PNPLA1: variants seen among roughly 807,000 people sequenced by gnomAD.
PNPLA1 encodes the protein patatin like domain 1, omega-hydroxyceramide transacylase.
Under a neutral mutation model 51.7 loss-of-function variants are expected in PNPLA1, and 36 were observed. The ratio of observed to expected loss-of-function variants is 0.70; its 90% CI spans 0.53 to 0.92. The LOEUF is 0.92. PNPLA1 is among the 40% of genes least tolerant of loss of function. The pLI, the probability that PNPLA1 is intolerant of heterozygous loss-of-function variation, is 0.00. For synonymous variants in PNPLA1, 293 were observed against 280.1 expected (o/e 1.05, Z -0.46); for missense variants, 658 against 682.5 (o/e 0.96, Z 0.40).
At position 36,313,363 on chromosome 6, in the gene PNPLA1, C is replaced by T. The variant is rs1007541690; in HGVS notation, c.*1477C>T. On this transcript the variant is annotated 3_prime_UTR_variant, in exon 9 of 9. Transcript: ENST00000636260. ...GTCCCGCCAGGCCCAGCAAGGAAGC[C>T]CCAGCTGCCCACAGGCCTCAGGTAC... 1.3e-5 allele frequency among the ~76,000 whole-genome samples: 2 copies of T among 152,048 alleles called. No homozygotes were observed. The highest frequency in any genetic ancestry group is 2.4e-5 in the African/African-American group (1 of 41,388).
In PNPLA1 at chr6:36,294,730, G is replaced by A. The variant is rs1253974678; in HGVS notation, c.714+331G>A. 6.6e-6 allele frequency among the ~76,000 whole-genome samples: 1 copy of A among 152,104 alleles called. No individual in the cohort carries two copies. The highest frequency in any genetic ancestry group is 6.5e-5 in the Admixed American group (1 of 15,272). ...AGCTGCAGCCCACGGGCCAAATCTA[G>A]CCTATGGCTTGTTTTTGTACAGCCT... On this transcript the variant is annotated intron_variant, in intron 4 of 8. Transcript: ENST00000636260. The surrounding 1 kb of genome is among the most constrained non-coding windows in gnomAD (Gnocchi z 4.2).
chr6:36,307,468 C>T (rs1037276582), intron 7 of PNPLA1, 119 bp from the exon 8 acceptor site: 8 of 1,175,238 alleles, frequency 6.8e-6, no homozygotes, highest in Non-Finnish European at 9.2e-6. Context: ...AAATCCAATC[C>T]TCAGCCAGGG....
At chr6:36,296,602 C>T (rs1305909414) in intron 5 of PNPLA1, among the ~76,000 whole-genome samples, 1 of 152,180 alleles carries the variant, frequency 6.6e-6, no homozygotes, top group Non-Finnish European at 1.5e-5. Flanking sequence ...AGGAGGTGCT[C>T]ACTTATTTTT....
intron 1 of PNPLA1, among the ~76,000 whole-genome samples, chr6:36,275,859 A>C (rs1399504384): frequency 6.6e-6 from 1 of 152,118 alleles, no homozygotes; most frequent in Non-Finnish European, 1.5e-5. Context: ...TCCTTCAGTA[A>C]AGATTTTGTG....
At position 36,295,423 on chromosome 6, in the gene PNPLA1, G is replaced by A. The variant is rs376785736; in HGVS notation, c.774G>A (p.Leu258=). Residue 258 remains leucine (L), a splice_region_variant and synonymous_variant, in exon 5 of 9, where the codon CTG becomes CTA. Transcript: ENST00000636260. ...ATGCAGTTTTGTACTTGAGGCGGCT[G>A]AGTAAGTACCGGTGGGGCCCCAGGT... The part of the protein sequence containing the change: ...YEDAVLYLRR[L]NAVYLNSSSK... 6.2e-7 allele frequency: 1 copy of A among 1,614,212 alleles called. No individual in the cohort carries two copies. Among genetic ancestry groups the A allele is most frequent in the East Asian group, 2.2e-5 (1 of 44,886 alleles).
intron 5 of PNPLA1, among the ~76,000 whole-genome samples, chr6:36,297,368 A>G (rs1252236244): frequency 6.6e-6 from 1 of 152,056 alleles, no homozygotes; most frequent in Admixed American, 6.5e-5. Context: ...GGAACTACTG[A>G]CACATACTGA....
chr6:36,273,333 T>C (rs925146088), intron 1 of PNPLA1, among the ~76,000 whole-genome samples: 1 of 151,990 alleles, frequency 6.6e-6, no homozygotes, highest in African/African-American at 2.4e-5. Flanking sequence ...AATCCCCCAC[T>C]CCCTCCTCTA....
At chr6:36,307,751 A>C in intron 8 of PNPLA1, 39 bp downstream of exon 8, 1 of 1,610,112 alleles carries the variant, frequency 6.2e-7, no homozygotes, top group Non-Finnish European at 8.5e-7. Context: ...CACGGAGAGG[A>C]GCAGCTTTGG....
At chr6:36,275,350 GAGTTAC>G (rs1467742793) in intron 1 of PNPLA1, among the ~76,000 whole-genome samples, 1 of 152,168 alleles carries the variant, frequency 6.6e-6, no homozygotes, top group African/African-American at 2.4e-5. Context: ...CAAAATGCAA[GAGTTAC>G]AGGCCTAAAC....
At chr6:36,275,287 C>T (rs904167699) in intron 1 of PNPLA1, among the ~76,000 whole-genome samples, 21 of 152,094 alleles carry the variant, frequency 1.4e-4, no homozygotes, top group African/African-American at 5.1e-4. Context: ...CACTATGTTC[C>T]CCAGGCTGGT....
chr6:36,255,411 A>G (rs1489392002), intron 1 of PNPLA1, among the ~76,000 whole-genome samples: 1 of 152,276 alleles, frequency 6.6e-6, no homozygotes, highest in African/African-American at 2.4e-5. Flanking sequence ...AGGCCGAGGC[A>G]GGAGAATTGC....
At position 36,302,420 on chromosome 6, in the gene PNPLA1, C is replaced by T. The variant is rs770141010; in HGVS notation, c.1335C>T (p.Ala445=). The part of the protein sequence containing the change: ...PQTLPRSSLS[A]FPAQPPVEEL... ...CACTGCCCCGAAGTTCTCTTTCAGC[C>T]TTCCCTGCTCAGCCACCTGTGGAGG... Residue 445 remains alanine, a synonymous_variant, in exon 6 of 9, where the codon GCC becomes GCT. Transcript: ENST00000636260. The T allele has an allele frequency of 3.8e-6, 6 of 1,569,012 alleles. No individual in the cohort carries two copies. The highest frequency in any genetic ancestry group is 5.2e-6 in the Non-Finnish European group (6 of 1,156,098).
intron 1 of PNPLA1, among the ~76,000 whole-genome samples, chr6:36,257,824 C>T (rs1312453378): frequency 6.6e-6 from 1 of 152,160 alleles, no homozygotes; most frequent in Non-Finnish European, 1.5e-5. Flanking sequence ...CATCTTTGAA[C>T]TGTCTCCTGA....
chr6:36,290,291 TC>T (rs1449385149), intron 1 of PNPLA1, among the ~76,000 whole-genome samples: 2 of 152,226 alleles, frequency 1.3e-5, no homozygotes, highest in Non-Finnish European at 2.9e-5. Context: ...CTCCTGATTT[TC>T]CCAAAGGCTT....
chr6:36,275,919 G>A (rs749955466), intron 1 of PNPLA1, among the ~76,000 whole-genome samples: 2 of 148,182 alleles, frequency 1.3e-5, no homozygotes, highest in African/African-American at 2.6e-5. Context: ...TTATTGCTAC[G>A]GGAAATGGGA....
intron 1 of PNPLA1, among the ~76,000 whole-genome samples, chr6:36,284,726 G>C (rs1770428884): frequency 6.6e-6 from 1 of 152,208 alleles, no homozygotes; most frequent in Admixed American, 6.5e-5. Flanking sequence ...TCTCAGGGCA[G>C]TGTTTTGGGG....
In PNPLA1 at chr6:36,294,416, G is replaced by T; in HGVS notation, c.714+17G>T. On this transcript the variant is annotated intron_variant, in intron 4 of 8. Transcript: ENST00000636260. This position sits in a 1 kb window ranked among gnomAD's most constrained non-coding sequence, Gnocchi z 4.2. ...GACCTGGTGGTGAGAGGCAGGAGGGGTCTGGGGAGTAGCAGAAGGTACCAG... is the reference window on the plus strand; with the variant it reads ...GACCTGGTGGTGAGAGGCAGGAGGGTTCTGGGGAGTAGCAGAAGGTACCAG... The T allele has an allele frequency of 6.2e-7, 1 of 1,609,460 alleles. No homozygotes were observed. Among genetic ancestry groups the T allele is most frequent in the South Asian group, 1.1e-5 (1 of 90,914 alleles).
At chr6:36,272,827 GA>G (rs1769961378) in intron 1 of PNPLA1, among the ~76,000 whole-genome samples, 1 of 152,148 alleles carries the variant, frequency 6.6e-6, no homozygotes, top group Non-Finnish European at 1.5e-5. Flanking sequence ...TTATTTTAAA[GA>G]ATAATAGTAA....
At chr6:36,266,628 C>T (rs142622743), upstream of PNPLA1, among the ~76,000 whole-genome samples, 92 of 152,324 alleles carry the variant, frequency 6.0e-4, no homozygotes, top group African/African-American at 2.1e-3. Flanking sequence ...AAGGACCAGG[C>T]CTTTCAGCTG....
Sources: gnomAD v4.1 joint callset for allele counts (sites outside exome capture counted in the v4.1 genomes callset) on GRCh38, gnomAD v4.1.1 for gene constraint, Gnocchi (gnomAD v3.1) non-coding constraint, MANE v1.5 for transcripts, NCBI Gene and HGNC (gene_info 2026-07-23, HGNC 2026-07-21) for gene names.